The following BMAL1 variants were observed in gnomAD, a reference collection of about 807,000 sequenced individuals.
The protein encoded by BMAL1 is basic helix-loop-helix ARNT like 1.
the BMAL1 span, among the ~76,000 whole-genome samples, chr11:13,313,579 A>G: frequency 1.3e-5 from 2 of 152,038 alleles, no homozygotes; most frequent in Non-Finnish European, 2.9e-5. Context: ...TGGTTACCAC[A>G]TCCTGAAGAG....
At chr11:13,382,376 T>C in the BMAL1 span, among the ~76,000 whole-genome samples, 4 of 152,202 alleles carry the variant, frequency 2.6e-5, no homozygotes, top group Non-Finnish European at 4.4e-5. Context: ...GTTTTCTTTA[T>C]AATGGAGCTA....
chr11:13,309,290 G>C, the BMAL1 span, among the ~76,000 whole-genome samples: 1 of 152,118 alleles, frequency 6.6e-6, no homozygotes, highest in African/African-American at 2.4e-5. Flanking sequence ...CTGGATGGTA[G>C]GGTCTATCGG....
At chr11:13,337,219 TAAAAC>T in the BMAL1 span, among the ~76,000 whole-genome samples, 3 of 152,212 alleles carry the variant, frequency 2.0e-5, no homozygotes, top group African/African-American at 7.2e-5. Context: ...ATTATAACGT[TAAAAC>T]AAAACTGACC....
At chr11:13,376,111 G>C in the BMAL1 span, among the ~76,000 whole-genome samples, 1 of 152,338 alleles carries the variant, frequency 6.6e-6, no homozygotes, top group South Asian at 2.1e-4. Context: ...GGCTCATTCA[G>C]GCACTAGCTC....
At chr11:13,330,204 T>C in the BMAL1 span, among the ~76,000 whole-genome samples, 8 of 152,322 alleles carry the variant, frequency 5.3e-5, no homozygotes, top group South Asian at 1.7e-3. Context: ...AATCAGGAAA[T>C]GGCCTAGATG....
At chr11:13,385,851 T>C in the BMAL1 span, 1 of 1,316,110 alleles carries the variant, frequency 7.6e-7, no homozygotes, top group South Asian at 1.2e-5. Context: ...TTACATAAAG[T>C]CAATTTTAAG....
At chr11:13,315,815 C>A in the BMAL1 span, among the ~76,000 whole-genome samples, 1 of 152,178 alleles carries the variant, frequency 6.6e-6, no homozygotes, top group Admixed American at 6.5e-5. Flanking sequence ...GCATGTGGGA[C>A]TGCCCACTTG....
chr11:13,375,649 T>C, the BMAL1 span: 5 of 1,589,864 alleles, frequency 3.1e-6, no homozygotes, highest in South Asian at 2.3e-5. Flanking sequence ...CTAATTGCTA[T>C]AAATTTAAAA....
the BMAL1 span, chr11:13,354,388 C>T: frequency 6.2e-7 from 1 of 1,614,222 alleles, no homozygotes; most frequent in Non-Finnish European, 8.5e-7. Context: ...CTTTCCAGCT[C>T]TCTTGGTACC....
At chr11:13,299,908 C>T in the BMAL1 span, among the ~76,000 whole-genome samples, 27 of 152,182 alleles carry the variant, frequency 1.8e-4, no homozygotes, top group African/African-American at 6.5e-4. Context: ...CAGGTGGGAG[C>T]CTGGTGGCCA....
chr11:13,360,183 C>T, the BMAL1 span, among the ~76,000 whole-genome samples: 1 of 152,186 alleles, frequency 6.6e-6, no homozygotes, highest in Non-Finnish European at 1.5e-5. Flanking sequence ...AGGATTCTGT[C>T]CAAAGCCAGA....
the BMAL1 span, among the ~76,000 whole-genome samples, chr11:13,310,814 A>AT: frequency 6.6e-6 from 1 of 152,220 alleles, no homozygotes; most frequent in African/African-American, 2.4e-5. Context: ...CATTGAAGTT[A>AT]TTTTGGATAA....
chr11:13,280,603 T>G, the BMAL1 span, among the ~76,000 whole-genome samples: 7 of 152,234 alleles, frequency 4.6e-5, no homozygotes, highest in Non-Finnish European at 1.0e-4. Context: ...AAGTAGGTAC[T>G]TGCAGGGAAG....
the BMAL1 span, among the ~76,000 whole-genome samples, chr11:13,302,810 C>G: frequency 2.0e-5 from 3 of 152,186 alleles, no homozygotes. Context: ...TGATTGTTGG[C>G]AATTTACTGA....
chr11:13,320,646 A>C, the BMAL1 span, among the ~76,000 whole-genome samples: 2 of 152,196 alleles, frequency 1.3e-5, no homozygotes, highest in African/African-American at 4.8e-5. Context: ...ACAGTGTATA[A>C]ATATGAGTCC....
At chr11:13,312,366 T>C in the BMAL1 span, among the ~76,000 whole-genome samples, 1 of 152,232 alleles carries the variant, frequency 6.6e-6, no homozygotes, top group Admixed American at 6.5e-5. Flanking sequence ...TTTTTCCTCC[T>C]ACTAATGTAG....
At chr11:13,328,918 T>G in the BMAL1 span, among the ~76,000 whole-genome samples, 4 of 152,322 alleles carry the variant, frequency 2.6e-5, no homozygotes, top group South Asian at 8.3e-4. Context: ...GAGATCTAAT[T>G]ATTTTACCTC....
the BMAL1 span, among the ~76,000 whole-genome samples, chr11:13,361,977 G>C: frequency 6.6e-6 from 1 of 152,206 alleles, no homozygotes; most frequent in Non-Finnish European, 1.5e-5. Flanking sequence ...ACTTGGTCAC[G>C]CCTAGCTGCA....
the BMAL1 span, among the ~76,000 whole-genome samples, chr11:13,279,096 C>T: frequency 6.6e-6 from 1 of 152,222 alleles, no homozygotes; most frequent in East Asian, 1.9e-4. Context: ...ACCCCTCTCC[C>T]CTCTCCGCCT....
Sources: gnomAD v4.1 joint callset for allele counts (sites outside exome capture counted in the v4.1 genomes callset) on GRCh38, gnomAD v4.1.1 for gene constraint, MANE v1.5 for transcripts, NCBI Gene and HGNC (gene_info 2026-07-23, HGNC 2026-07-21) for gene names.